NHSL1: variants seen among roughly 807,000 people sequenced by gnomAD.
NHSL1 encodes NHS-like protein 1.
Under a neutral mutation model 95.0 loss-of-function variants are expected in NHSL1, and 48 were observed. That is an observed-to-expected ratio of 0.51 (90% CI 0.40 to 0.64). The LOEUF is 0.64. Among genes scored for constraint, NHSL1 ranks in the 30% least tolerant of loss-of-function variants. NHSL1 has a pLI of 0.00. For missense variants in NHSL1, 1,971 were observed against 2,077.7 expected (o/e 0.95, Z 1.00); for synonymous variants, 783 against 833.9 (o/e 0.94, Z 1.05).
intron 2 of NHSL1, among the ~76,000 whole-genome samples, chr6:138,478,944 C>T (rs775313646): frequency 1.3e-5 from 2 of 152,150 alleles, no homozygotes; most frequent in African/African-American, 4.8e-5. Flanking sequence ...AATGTCATAG[C>T]GCTAGATGGT....
chr6:138,655,266 TCTGTTTTATGTC>T (rs1234851304), intron 1 of NHSL1, among the ~76,000 whole-genome samples: 3 of 152,206 alleles, frequency 2.0e-5, no homozygotes, highest in African/African-American at 7.2e-5. Context: ...TAACACTACC[TCTGTTTTATGTC>T]CTGTCACCCT....
intron 1 of NHSL1, among the ~76,000 whole-genome samples, chr6:138,603,803 G>A (rs1474156249): frequency 2.6e-5 from 4 of 152,186 alleles, no homozygotes; most frequent in Non-Finnish European, 5.9e-5. Flanking sequence ...TTTGATGGAA[G>A]TTTAAGATTG....
intron 1 of NHSL1, among the ~76,000 whole-genome samples, chr6:138,498,155 A>T (rs188323708): frequency 6.6e-6 from 1 of 152,322 alleles, no homozygotes; most frequent in East Asian, 1.9e-4. Flanking sequence ...AGAGTTCATC[A>T]CAGTGTTTTG....
chr6:138,508,439 C>A (rs1781069334), intron 1 of NHSL1, among the ~76,000 whole-genome samples: 1 of 152,130 alleles, frequency 6.6e-6, no homozygotes, highest in African/African-American at 2.4e-5. Context: ...ATTTCATAGG[C>A]CCCTAGAAAG....
intron 1 of NHSL1, among the ~76,000 whole-genome samples, chr6:138,566,404 A>AATC (rs1267460968): frequency 6.7e-6 from 1 of 149,392 alleles, no homozygotes; most frequent in African/African-American, 2.5e-5. Context: ...TCTCAAAATC[A>AATC]ATCAATCAAT....
intron 1 of NHSL1, chr6:138,650,484 C>A: frequency 2.4e-6 from 2 of 816,866 alleles, no homozygotes; most frequent in Non-Finnish European, 4.1e-6. Context: ...CTGGTGGAGG[C>A]TGTCATCCAC....
intron 1 of NHSL1, among the ~76,000 whole-genome samples, chr6:138,555,789 C>T (rs930944440): frequency 3.3e-5 from 5 of 152,160 alleles, no homozygotes; most frequent in African/African-American, 1.2e-4. Flanking sequence ...TGTCACTTGA[C>T]CCTCACAGGG....
intron 1 of NHSL1, among the ~76,000 whole-genome samples, chr6:138,690,252 T>A (rs1785646374): frequency 6.6e-6 from 1 of 152,228 alleles, no homozygotes; most frequent in Admixed American, 6.5e-5. Context: ...TTTGAGGCAT[T>A]GTTTTAAAAG....
At chr6:138,504,510 A>G (rs1780857057) in intron 1 of NHSL1, among the ~76,000 whole-genome samples, 1 of 152,204 alleles carries the variant, frequency 6.6e-6, no homozygotes. Context: ...CTCTTGGGTA[A>G]AGCCCAGACC....
chr6:138,431,545 G>A lies in NHSL1; in HGVS notation c.2800C>T (p.Pro934Ser). ...VGSPPAPPPP[P>S]VPSPPFPCPA... ...CAAGGGAATGGAGGAGAGGGAACAG[G>A]AGGAGGAGGAGGAGCCGGGGGAGAG... The change falls in exon 6 of 8, where the codon CCT becomes TCT. Residue 934 changes from proline (P) to serine (S), a missense_variant. Physicochemically the swap from Pro to Ser is moderately conservative, Grantham distance 74 (BLOSUM62 -1). Transcript: ENST00000343505. The surrounding 1 kb of genome is among the most constrained non-coding windows in gnomAD (Gnocchi z 4.0). 6.6e-7 allele frequency: 1 copy of A among 1,518,230 alleles called. No individual in the cohort carries two copies. Among genetic ancestry groups the A allele is most frequent in the Non-Finnish European group, 8.9e-7 (1 of 1,120,110 alleles). 94.0% of individuals were successfully genotyped at this position (1,518,230 alleles called of 1,614,324 possible). A position where few individuals can be genotyped will look rare whatever the true frequency, so the allele number is the denominator to read the frequency against.
At chr6:138,656,647 A>G (rs1475527391) in intron 1 of NHSL1, among the ~76,000 whole-genome samples, 3 of 152,244 alleles carry the variant, frequency 2.0e-5, no homozygotes, top group African/African-American at 7.2e-5. Flanking sequence ...GGAAATGAGT[A>G]ATTAAAACAT....
Position 138,430,227 on chromosome 6 carries a change from G to A in NHSL1, c.3952+166C>T, listed in dbSNP as rs545688671. 6.6e-6 allele frequency among the ~76,000 whole-genome samples: 1 copy of A among 152,232 alleles called. No homozygotes were observed. The highest frequency in any genetic ancestry group is 2.1e-4 in the South Asian group (1 of 4,824). The stretch of plus-strand genomic sequence containing the variant: ...AAAAATAATAACAAAATGCAAAGTT[G>A]GTAACTTAATCTGTGTTTTAACACA... On this transcript the variant is annotated intron_variant, in intron 6 of 7. Transcript: ENST00000343505. This position sits in a 1 kb window ranked among gnomAD's most constrained non-coding sequence, Gnocchi z 4.7.
At chr6:138,526,929 T>C (rs941244822) in intron 1 of NHSL1, among the ~76,000 whole-genome samples, 1 of 152,210 alleles carries the variant, frequency 6.6e-6, no homozygotes, top group Non-Finnish European at 1.5e-5. Flanking sequence ...ATAGTATCGA[T>C]AAAGTTTGTC....
chr6:138,442,100 G>A lies in NHSL1; in HGVS notation c.547C>T (p.Arg183Cys), dbSNP rs1486098845. 8 of 1,549,774 alleles carry A rather than the reference G, an allele frequency of 5.2e-6. No individual in the cohort carries two copies. The highest frequency in any genetic ancestry group is 3.6e-5 in the South Asian group (3 of 83,608). ...AGAGACCGCCGAAGGCTGGCCTGGCGATCGAAATTCTCCCCTAATGTAGAG... is the reference window on the plus strand; with the variant it reads ...AGAGACCGCCGAAGGCTGGCCTGGCAATCGAAATTCTCCCCTAATGTAGAG... ...PINITGENFD[R>C]QASLRRSLIY... The change falls in exon 5 of 8, where the codon CGC becomes TGC. Residue 183 changes from arginine to cysteine, a missense_variant. Physicochemically the swap from Arg to Cys is radical, Grantham distance 180. Around this residue, in one of 3 missense-constraint regions of NHSL1, gnomAD observed 1,602 missense variants for 1,654.5 expected, o/e 0.97. Transcript: ENST00000343505.
chr6:138,513,032 G>C (rs117359342), intron 1 of NHSL1, among the ~76,000 whole-genome samples: 126 of 152,270 alleles, frequency 8.3e-4, no homozygotes, highest in Non-Finnish European at 1.4e-3. Context: ...ATTCGTACTT[G>C]ATGTGCTATG....
At chr6:138,576,109 A>G (rs1783967844), upstream of NHSL1, among the ~76,000 whole-genome samples, 1 of 151,986 alleles carries the variant, frequency 6.6e-6, no homozygotes, top group South Asian at 2.1e-4. Flanking sequence ...CTCTTTCCTC[A>G]GCCTCCCAAG....
intron 7 of NHSL1, among the ~76,000 whole-genome samples, chr6:138,427,974 C>T (rs1268686333): frequency 6.6e-6 from 1 of 152,188 alleles, no homozygotes; most frequent in African/African-American, 2.4e-5. Context: ...CACTGAGTAA[C>T]ACCAACTGAC....
At chr6:138,628,200 T>C (rs1296877392) in intron 1 of NHSL1, among the ~76,000 whole-genome samples, 6 of 144,822 alleles carry the variant, frequency 4.1e-5, no homozygotes, top group Non-Finnish European at 8.8e-5. Context: ...TAATCCCAGC[T>C]ACTTGGGAGG....
intron 1 of NHSL1, among the ~76,000 whole-genome samples, chr6:138,667,629 C>A (rs1451042646): frequency 1.3e-5 from 2 of 152,224 alleles, no homozygotes; most frequent in Non-Finnish European, 2.9e-5. Context: ...CAGTTCTCTT[C>A]TAGAATTTCA....
Sources: gnomAD v4.1 joint callset for allele counts (sites outside exome capture counted in the v4.1 genomes callset) on GRCh38, gnomAD v4.1.1 for gene constraint, gnomAD v4.1.1 regional missense constraint, Gnocchi (gnomAD v3.1) non-coding constraint, MANE v1.5 for transcripts, NCBI Gene and HGNC (gene_info 2026-07-23, HGNC 2026-07-21) for gene names.